Variants in FAM107B observed in about 807,000 individuals in gnomAD.
FAM107B encodes the protein protein FAM107B.
Under a neutral mutation model 31.5 loss-of-function variants are expected in FAM107B, and 21 were observed. The observed-to-expected ratio is 0.67, with a 90% CI of 0.47 to 0.96. The LOEUF (loss-of-function observed/expected upper bound fraction) is 0.96. Among genes scored for constraint, FAM107B ranks in the 40% least tolerant of loss-of-function variants. The pLI is 0.00. For synonymous variants in FAM107B, 157 were observed against 141.5 expected (o/e 1.11, Z -0.78); for missense variants, 452 against 377.1 (o/e 1.20, Z -1.64).
At chr10:14,551,886 T>C (rs1397050326) in intron 2 of FAM107B, among the ~76,000 whole-genome samples, 3 of 152,178 alleles carry the variant, frequency 2.0e-5, no homozygotes, top group Non-Finnish European at 4.4e-5. Flanking sequence ...CTTCAGAACC[T>C]TCTTGGTGGC....
At chr10:14,560,331 C>T (rs953153459) in intron 2 of FAM107B, among the ~76,000 whole-genome samples, 6 of 152,080 alleles carry the variant, frequency 3.9e-5, no homozygotes, top group African/African-American at 1.4e-4. Flanking sequence ...TCTGTAAAAA[C>T]TAAACCAAGA....
intron 1 of FAM107B, among the ~76,000 whole-genome samples, chr10:14,738,950 C>T (rs1346572143): frequency 1.3e-5 from 2 of 152,206 alleles, no homozygotes; most frequent in Non-Finnish European, 2.9e-5. Flanking sequence ...CTGTCTGACT[C>T]TCATGCATGT....
At chr10:14,535,978 C>T (rs1260442220) in intron 2 of FAM107B, among the ~76,000 whole-genome samples, 1 of 152,236 alleles carries the variant, frequency 6.6e-6, no homozygotes, top group Non-Finnish European at 1.5e-5. Flanking sequence ...ATCCCAGGTA[C>T]TTCTGTTGAC....
At chr10:14,700,827 CAAAAAAAAAAAA>C (rs1159035034) in intron 1 of FAM107B, among the ~76,000 whole-genome samples, 5 of 76,020 alleles carry the variant, frequency 6.6e-5, no homozygotes, top group Admixed American at 3.7e-4. Flanking sequence ...TGGCAAGAGG[CAAAAAAAAAAAA>C]AAAAAAAAAA....
intron 1 of FAM107B, among the ~76,000 whole-genome samples, chr10:14,767,037 TATATATATATATATATATAGAGAG>T (rs1833181072): frequency 3.2e-5 from 1 of 31,148 alleles, no homozygotes; most frequent in Non-Finnish European, 7.4e-5. Context: ...TATATATATA[TATATATATATATATATATAGAGAG>T]AGAGAGAGAG....
intron 3 of FAM107B, 33 bp downstream of exon 3, chr10:14,530,299 T>TA (rs537843525): frequency 2.6e-3 from 3,376 of 1,293,648 alleles, no homozygotes; most frequent in South Asian, 4.1e-3. Flanking sequence ...AAAGTCCTCT[T>TA]AAAAAAAAAA....
At chr10:14,690,378 TC>T (rs1180641287) in intron 1 of FAM107B, among the ~76,000 whole-genome samples, 2 of 152,208 alleles carry the variant, frequency 1.3e-5, no homozygotes, top group Non-Finnish European at 2.9e-5. Flanking sequence ...TTGTCACAGC[TC>T]TTTTGCCATT....
At chr10:14,617,831 C>T (rs1166162737) in intron 2 of FAM107B, among the ~76,000 whole-genome samples, 1 of 151,596 alleles carries the variant, frequency 6.6e-6, no homozygotes, top group African/African-American at 2.4e-5. Flanking sequence ...GTGGCGCATG[C>T]CTGTTTTCCC....
At chr10:14,730,123 T>C (rs1007641073) in intron 1 of FAM107B, among the ~76,000 whole-genome samples, 1 of 152,084 alleles carries the variant, frequency 6.6e-6, no homozygotes, top group African/African-American at 2.4e-5. Flanking sequence ...GGTTGATAGG[T>C]GTAGCAAACC....
chr10:14,683,349 T>C (rs7900723), intron 1 of FAM107B, among the ~76,000 whole-genome samples: 2,880 of 152,312 alleles, frequency 0.019, 84 homozygotes, highest in African/African-American at 0.062. Flanking sequence ...GAGTGATTGT[T>C]CCACACCGTT....
chr10:14,547,878 C>A (rs1266964017), intron 2 of FAM107B, among the ~76,000 whole-genome samples: 2 of 152,168 alleles, frequency 1.3e-5, no homozygotes, highest in Non-Finnish European at 2.9e-5. Flanking sequence ...GAAAACTGAG[C>A]GTGAGGACAG....
At chr10:14,627,314 AT>A (rs1162543073) in intron 2 of FAM107B, among the ~76,000 whole-genome samples, 1 of 152,266 alleles carries the variant, frequency 6.6e-6, no homozygotes, top group Non-Finnish European at 1.5e-5. Context: ...TTAACGTTAT[AT>A]TCAGAATATT....
chr10:14,772,619 T>C (rs1833332084), intron 1 of FAM107B, among the ~76,000 whole-genome samples: 1 of 152,136 alleles, frequency 6.6e-6, no homozygotes, highest in South Asian at 2.1e-4. Flanking sequence ...CCGCGTGTCC[T>C]GCCTCATGGA....
intron 2 of FAM107B, among the ~76,000 whole-genome samples, chr10:14,646,654 T>G (rs986428356): frequency 1.3e-5 from 2 of 152,204 alleles, no homozygotes; most frequent in African/African-American, 4.8e-5. Flanking sequence ...GGTGTTGATA[T>G]AATGACTTCT....
At chr10:14,551,348 T>C (rs766642419) in intron 2 of FAM107B, among the ~76,000 whole-genome samples, 1 of 152,172 alleles carries the variant, frequency 6.6e-6, no homozygotes, top group South Asian at 2.1e-4. Flanking sequence ...TTTCACCATG[T>C]TGGCCAGGCT....
chr10:14,617,195 T>C (rs997159698), intron 2 of FAM107B, among the ~76,000 whole-genome samples: 1 of 152,100 alleles, frequency 6.6e-6, no homozygotes, highest in Non-Finnish European at 1.5e-5. Context: ...CATGCCCCGG[T>C]TTTCACTGTG....
chr10:14,747,436 T>G (rs1353671952), intron 1 of FAM107B, among the ~76,000 whole-genome samples: 1 of 152,248 alleles, frequency 6.6e-6, no homozygotes, highest in East Asian at 1.9e-4. Flanking sequence ...TTATCTAGCT[T>G]CAATCTGTGT....
At chr10:14,689,159 T>C (rs968588416) in intron 1 of FAM107B, among the ~76,000 whole-genome samples, 3 of 151,958 alleles carry the variant, frequency 2.0e-5, no homozygotes, top group African/African-American at 7.3e-5. Flanking sequence ...GTGGACAGAC[T>C]GCTTGAGCTC....
At chr10:14,608,339 C>T (rs779804519) in intron 2 of FAM107B, among the ~76,000 whole-genome samples, 13 of 152,238 alleles carry the variant, frequency 8.5e-5, no homozygotes, top group Non-Finnish European at 1.5e-4. Flanking sequence ...CATTCTGTGT[C>T]AATTATCTAT....
Sources: gnomAD v4.1 joint callset for allele counts (sites outside exome capture counted in the v4.1 genomes callset) on GRCh38, gnomAD v4.1.1 for gene constraint, MANE v1.5 for transcripts, NCBI Gene and HGNC (gene_info 2026-07-23, HGNC 2026-07-21) for gene names.